The following NQO2 variants were observed in gnomAD, a reference collection of about 807,000 sequenced individuals.
NQO2 encodes the protein ribosyldihydronicotinamide dehydrogenase [quinone].
Under a neutral mutation model 22.0 loss-of-function variants are expected in NQO2, and 18 were observed. The observed-to-expected ratio is 0.82, with a 90% confidence interval of 0.56 to 1.21. The LOEUF (loss-of-function observed/expected upper bound fraction) is 1.21, where lower values mean the gene tolerates loss of function less well. Ranked by LOEUF, NQO2 falls within the 50% of genes most tolerant of loss-of-function variation. The probability of loss-of-function intolerance (pLI) is 0.00; values close to 1 mark genes in which losing one functional copy is unlikely to be tolerated. For missense variants in NQO2, 267 were observed against 286.9 expected, an observed-to-expected ratio of 0.93 and a Z score of 0.50; for synonymous variants, 106 against 110.8, an observed-to-expected ratio of 0.96 and a Z score of 0.28.
chr6:3,006,441 C>A lies in NQO2; in HGVS notation c.-85-27C>A. The A allele has an allele frequency of 6.3e-7, 1 of 1,579,126 alleles. No homozygotes were observed. The highest frequency in any genetic ancestry group is 1.2e-5 in the South Asian group (1 of 85,540). ...CGACCTCACCTATGCCTCTCCCCAC[C>A]CCCTCTGGGTTCGTTTTGTCTTCCA... On this transcript the variant is annotated intron_variant, in intron 1 of 6. Transcript: ENST00000380455. This position sits in a 1 kb window ranked among gnomAD's most constrained non-coding sequence, Gnocchi z 4.0.
intron 2 of NQO2, 27 bp from the exon 3 acceptor site, chr6:3,009,998 G>A: frequency 6.3e-7 from 1 of 1,590,764 alleles, no homozygotes; most frequent in South Asian, 1.1e-5. Context: ...TGTTCTTCAA[G>A]AGGAACTGTT....
intron 1 of NQO2, among the ~76,000 whole-genome samples, chr6:3,000,956 C>T (rs554212022): frequency 2.0e-5 from 3 of 152,154 alleles, no homozygotes; most frequent in Non-Finnish European, 2.9e-5. Flanking sequence ...GATTCTCCCC[C>T]CTCAGCCCCT....
At chr6:3,012,256 C>G in intron 3 of NQO2, 1 of 351,972 alleles carries the variant, frequency 2.8e-6, no homozygotes, top group Non-Finnish European at 4.0e-6. Context: ...TCTTGGGTGT[C>G]AGTTTGCTCT....
rs1396089772 is a variant in NQO2, at chr6:3,013,033, G to A, written c.303+359G>A. ...TGCAGTGGCGGGATCTCGGCTCACT[G>A]CAAGCTCCGCCTCCCGGGTTCACGC... On this transcript the variant is annotated intron_variant, in intron 4 of 6. Coordinates refer to ENST00000380455, the MANE Select transcript of NQO2 (RefSeq NM_000904.6). Among the ~76,000 whole-genome samples, 4 of 131,902 alleles carry A rather than the reference G, an allele frequency of 3.0e-5. No individual in the cohort carries two copies. The East Asian group carries it at 8.9e-4, about 29-fold the overall frequency. The allele number at this position is 131,902 out of a possible 152,430, so 86.5% of individuals were successfully genotyped here.
chr6:3,016,791 T>C lies in NQO2; in HGVS notation c.418-93T>C, dbSNP rs993542705. On this transcript the variant is annotated intron_variant, in intron 5 of 6. Coordinates refer to ENST00000380455, the MANE Select transcript of NQO2 (RefSeq NM_000904.6). ...GGAGGGTGTCCACACGCATGTTCCC[T>C]GCTGGCTGTGCTGAGCCCGTGTGCT... The C allele has an allele frequency of 3.2e-6, 5 of 1,544,162 alleles. No individual in the cohort carries two copies. In the African/African-American group the frequency reaches 6.8e-5, roughly 21 times the overall value.
intron 6 of NQO2, among the ~76,000 whole-genome samples, chr6:3,017,450 C>G (rs1351738075): frequency 6.6e-6 from 1 of 152,226 alleles, no homozygotes; most frequent in Non-Finnish European, 1.5e-5. Flanking sequence ...TGGCCGCATG[C>G]TGGTCTCTGC....
intron 4 of NQO2, among the ~76,000 whole-genome samples, chr6:3,012,875 C>T (rs112673137): frequency 2.7e-5 from 4 of 149,854 alleles, no homozygotes; most frequent in African/African-American, 9.9e-5. Flanking sequence ...CTAGTTACAA[C>T]ACTTCACCTA....
intron 3 of NQO2, 68 bp from the exon 4 acceptor site, chr6:3,012,476 C>A: frequency 6.4e-7 from 1 of 1,554,166 alleles, no homozygotes; most frequent in Non-Finnish European, 8.7e-7. Flanking sequence ...CACAGTGCTA[C>A]TGGGATGGTT....
chr6:3,018,774 C>G (rs995161819), intron 6 of NQO2, among the ~76,000 whole-genome samples: 1 of 151,928 alleles, frequency 6.6e-6, no homozygotes, highest in Non-Finnish European at 1.5e-5. Context: ...TCTTCACAGG[C>G]CAACTGGTCT....
intron 1 of NQO2, chr6:3,004,656 G>C: frequency 1.0e-6 from 1 of 984,870 alleles, no homozygotes; most frequent in South Asian, 4.7e-5. Context: ...GTCCTGGTGG[G>C]GATAAGCACC....
In NQO2 at chr6:3,019,484, C is replaced by T. The variant is rs138299709; in HGVS notation, c.525C>T (p.Gly175=). The part of the protein sequence containing the change: ...SRYFLWPLQH[G]TLHFCGFKVL... The stretch of plus-strand genomic sequence containing the variant: ...TTCTTCCCCTGTGGCTTTAGCATGG[C>T]ACATTACACTTCTGTGGATTTAAAG... Residue 175 remains glycine (G), a synonymous_variant, in exon 7 of 7, where the codon GGC becomes GGT. Transcript: ENST00000380455. 69 of 1,612,956 alleles carry T rather than the reference C, an allele frequency of 4.3e-5. No individual in the cohort carries two copies. The African/African-American group carries it at 8.9e-4, about 21-fold the overall frequency.
At chr6:3,018,340 T>C (rs558135015) in intron 6 of NQO2, among the ~76,000 whole-genome samples, 1 of 152,302 alleles carries the variant, frequency 6.6e-6, no homozygotes, top group South Asian at 2.1e-4. Flanking sequence ...ACCCCATCTC[T>C]ACTAAAACAC....
chr6:3,012,973 T>TTTTTTTTTTTTTTTTTA (rs1757195389), intron 4 of NQO2, among the ~76,000 whole-genome samples: 1 of 127,464 alleles, frequency 7.8e-6, no homozygotes, highest in South Asian at 2.6e-4. Context: ...TTTTTTTTTT[T>TTTTTTTTTTTTTTTTTA]GAGACGGAGT....
At chr6:3,009,892 GAA>G in intron 2 of NQO2, 131 bp from the exon 3 acceptor site, 1 of 1,419,234 alleles carries the variant, frequency 7.0e-7, no homozygotes, top group South Asian at 1.6e-5. Context: ...GAGACAGAAA[GAA>G]AAGAAAATTT....
chr6:3,019,195 C>T, intron 6 of NQO2: 1 of 198,114 alleles, frequency 5.0e-6, no homozygotes, highest in Non-Finnish European at 9.1e-6. Context: ...TCAAGCAGAA[C>T]TATAATGTTT....
In NQO2 at chr6:3,019,693, G is replaced by T. The variant is rs6955; in HGVS notation, c.*38G>T. Reference sequence around the variant, plus strand: ...TGGGCATCACGTAAGCAGCACACTAGGAGGCCCAGGCGCAGGCAAAGAGAA... The same window carrying T: ...TGGGCATCACGTAAGCAGCACACTATGAGGCCCAGGCGCAGGCAAAGAGAA... On this transcript the variant is annotated 3_prime_UTR_variant, in exon 7 of 7. Transcript: ENST00000380455. The T allele has an allele frequency of 7.2e-6, 11 of 1,521,000 alleles. No individual in the cohort carries two copies. The highest frequency in any genetic ancestry group is 1.8e-4 in the Middle Eastern group (1 of 5,430). 94.2% of individuals were successfully genotyped at this position (1,521,000 alleles called of 1,614,324 possible).
intron 1 of NQO2, chr6:3,004,172 C>A: frequency 4.1e-6 from 1 of 246,596 alleles, no homozygotes; most frequent in Non-Finnish European, 6.5e-6. Context: ...GTGACTTCTG[C>A]TGACACCTCA....
At chr6:3,012,979 G>C (rs1315539398) in intron 4 of NQO2, among the ~76,000 whole-genome samples, 2 of 32,098 alleles carry the variant, frequency 6.2e-5, no homozygotes. Flanking sequence ...TTTTTGAGAC[G>C]GAGTCTCGCT....
At chr6:3,016,256 C>A (rs946282041) in intron 5 of NQO2, among the ~76,000 whole-genome samples, 1 of 151,742 alleles carries the variant, frequency 6.6e-6, no homozygotes, top group Non-Finnish European at 1.5e-5. Flanking sequence ...CATGGTGAAA[C>A]CCCATCTCTA....
Sources: allele counts gnomAD v4.1 joint callset (sites outside exome capture counted in the v4.1 genomes callset), GRCh38; gene constraint gnomAD v4.1.1; non-coding constraint Gnocchi (gnomAD v3.1); transcripts MANE v1.5; gene names NCBI Gene and HGNC (gene_info 2026-07-23, HGNC 2026-07-21).